Variants in ACACB observed in about 807,000 individuals in gnomAD.
ACACB encodes the protein acetyl-CoA carboxylase 2.
A neutral mutation model predicts 278.8 loss-of-function variants in ACACB; 209 were observed. The ratio of observed to expected loss-of-function variants is 0.75; its 90% CI spans 0.67 to 0.84. The LOEUF is 0.84. Among genes scored for constraint, ACACB ranks in the 40% least tolerant of loss-of-function variants. The pLI is 0.00. For missense variants in ACACB, 2,850 were observed against 3,269.0 expected, an observed-to-expected ratio of 0.87 and a Z score of 3.13; for synonymous variants, 1,174 against 1,285.6, an observed-to-expected ratio of 0.91 and a Z score of 1.86.
At chr12:109,227,181 G>T (rs964489935) in intron 27 of ACACB, among the ~76,000 whole-genome samples, 190 bp from the exon 28 acceptor site, 1 of 152,046 alleles carries the variant, frequency 6.6e-6, no homozygotes, top group African/African-American at 2.4e-5. Flanking sequence ...GAACTCCTGG[G>T]TTCGAGTGAC....
At position 109,176,052 on chromosome 12, in the gene ACACB, GC is replaced by G. The variant is rs756554810; in HGVS notation, c.1326+14del. ...ATGAGGGCTTGGAGGTAAATGCAGA[GC>G]CTGTGGGGGCCAGGGGAGCCAGAAC... On this transcript the variant is annotated intron_variant, in intron 8 of 52. Transcript: ENST00000338432. The G allele has an allele frequency of 8.1e-6, 13 of 1,613,608 alleles. No homozygotes were observed. The highest frequency in any genetic ancestry group is 1.3e-5 in the African/African-American group (1 of 74,918).
chr12:109,216,768 C>T (rs1432690702), intron 23 of ACACB, 28 bp from the exon 24 acceptor site: 1 of 1,614,090 alleles, frequency 6.2e-7, no homozygotes, highest in East Asian at 2.2e-5. Flanking sequence ...CTGAGCTTTA[C>T]CTCTGTGTGG....
At chr12:109,111,335 C>T in the ACACB span, 1 of 152,368 alleles carries the variant, frequency 6.6e-6, no homozygotes, top group African/African-American at 2.4e-5. Context: ...CTGCCAAGCC[C>T]TGTGACGTTG....
chr12:109,177,600 A>G lies in ACACB; in HGVS notation c.1437+1337A>G, dbSNP rs570650242. The stretch of plus-strand genomic sequence containing the variant: ...GGTGGGGGGAAGAATTGATATTAAA[A>G]GGGAAGTTGCAGCAGCAGTACAGAA... On this transcript the variant is annotated intron_variant, in intron 9 of 52. Transcript: ENST00000338432. 1.7e-3 allele frequency among the ~76,000 whole-genome samples: 258 copies of G among 152,338 alleles called. 2 individuals are homozygous for G. Among genetic ancestry groups the G allele is most frequent in the African/African-American group, 5.7e-3 (238 of 41,570 alleles).
intron 42 of ACACB, among the ~76,000 whole-genome samples, chr12:109,252,812 T>TA (rs1565975358): frequency 6.6e-6 from 1 of 152,150 alleles, no homozygotes; most frequent in Non-Finnish European, 1.5e-5. Flanking sequence ...ATCTAGAAAC[T>TA]AAAAAACAAA....
rs75831824 is a variant in ACACB at position 109,136,373 on chromosome 12, A to G, written c.-9-3024A>G. Among the ~76,000 whole-genome samples, 1,324 of 152,292 alleles carry G rather than the reference A, an allele frequency of 8.7e-3. 20 individuals are homozygous for G. The highest frequency in any genetic ancestry group is 0.03 in the African/African-American group (1,244 of 41,560). On this transcript the variant is annotated intron_variant, in intron 1 of 52. Transcript: ENST00000338432. ...GTATATTCCTTTGGATAATATGGAC[A>G]TCTTAACAATAAGTCTTCCAATCCA...
At chr12:109,176,382 G>A in intron 9 of ACACB, 119 bp downstream of exon 9, 1 of 870,222 alleles carries the variant, frequency 1.1e-6, no homozygotes, top group Admixed American at 2.2e-5. Context: ...GGAGCTGGAT[G>A]TATCGTTGTA....
Position 109,252,145 on chromosome 12 carries a change from G to A in ACACB, c.5890G>A (p.Ala1964Thr). Residue 1964 changes from alanine (A) to threonine (T), a missense_variant, in exon 42 of 53, where the codon GCT (alanine) becomes ACT (threonine). Physicochemically the swap from Ala to Thr is moderately conservative, Grantham distance 58 (BLOSUM62 0). Around this residue, in one of 3 missense-constraint regions of ACACB, gnomAD observed 579 missense variants for 684.6 expected, o/e 0.85. Transcript: ENST00000338432. ...NSHIILTGAS[A>T]LNKVLGREVY... Reference sequence around the variant, plus strand: ...CCACATCATCCTCACAGGAGCAAGTGCTCTCAACAAGGTGACCAAAAAGGG... The same window carrying A: ...CCACATCATCCTCACAGGAGCAAGTACTCTCAACAAGGTGACCAAAAAGGG... 6.2e-7 allele frequency: 1 copy of A among 1,610,956 alleles called. No homozygotes were observed. The highest frequency in any genetic ancestry group is 1.1e-5 in the South Asian group (1 of 90,212).
At chr12:109,137,759 A>G (rs925244355) in intron 1 of ACACB, among the ~76,000 whole-genome samples, 1 of 152,134 alleles carries the variant, frequency 6.6e-6, no homozygotes, top group Admixed American at 6.5e-5. Flanking sequence ...AAATTGGTTC[A>G]GAAATTTCAA....
chr12:109,123,053 T>A (rs555993043), intron 1 of ACACB, among the ~76,000 whole-genome samples: 1 of 151,410 alleles, frequency 6.6e-6, no homozygotes, highest in East Asian at 2.0e-4. Context: ...TGGTGGCAGG[T>A]GCCTGTAGTC....
At chr12:109,169,050 C>G (rs1330119240) in intron 4 of ACACB, among the ~76,000 whole-genome samples, 1 of 145,740 alleles carries the variant, frequency 6.9e-6, no homozygotes, top group Non-Finnish European at 1.5e-5. Flanking sequence ...GAGGCTGAGG[C>G]AGGAGAATTG....
chr12:109,199,419 G>T lies in ACACB; in HGVS notation c.2645G>T (p.Gly882Val). Residue 882 changes from glycine (G) to valine (V), a missense_variant, in exon 18 of 53, where the codon GGC becomes GTC. This residue lies in a region of ACACB where 2,265 missense variants were observed against 2,561.3 expected (regional missense o/e 0.88). Coordinates refer to ENST00000338432, the MANE Select transcript of ACACB (RefSeq NM_001093.4). ...EEVDSYRITI[G>V]NKTCVFEKEN... ...TCTCCCAGTTACCGAATTACCATCG[G>T]CAATAAGACGTGTGTGTTTGAGAAG... 2 of 1,516,964 alleles carry T rather than the reference G, an allele frequency of 1.3e-6. No individual in the cohort carries two copies. Among genetic ancestry groups the T allele is most frequent in the South Asian group, 1.3e-5 (1 of 75,264 alleles). 94.0% of individuals were successfully genotyped at this position (1,516,964 alleles called of 1,614,324 possible). A position where few individuals can be genotyped will look rare whatever the true frequency, so the allele number is the denominator to read the frequency against.
In ACACB at chr12:109,117,270, G is replaced by T. The variant is rs528854616; in HGVS notation, c.-10+566G>T. Among the ~76,000 whole-genome samples the T allele has an allele frequency of 3.4e-5, 5 of 149,246 alleles. No homozygotes were observed. In the East Asian group the frequency reaches 7.9e-4, roughly 23 times the overall value. The stretch of plus-strand genomic sequence containing the variant: ...AGCTACTTGGGAGGCTGAGGCAGGA[G>T]AATCGCTTGAACCCAGGAGGTGGGG... On this transcript the variant is annotated intron_variant, in intron 1 of 52. Transcript: ENST00000338432.
intron 13 of ACACB, among the ~76,000 whole-genome samples, chr12:109,188,860 G>A (rs929789804): frequency 6.6e-6 from 1 of 152,136 alleles, no homozygotes; most frequent in African/African-American, 2.4e-5. Context: ...CTGAAGAAAG[G>A]GGGAGGGAAA....
chr12:109,227,350 CGT>C lies in ACACB; in HGVS notation c.3883-16_3883-15del, dbSNP rs1565946689. ...CTGCAGTGGCCCCTGAGAGAATGTC[CGT>C]GTGTTTCTGCCTTGTCAGGTTTACG... is the stretch of plus-strand genomic sequence containing the variant. On this transcript the variant is annotated intron_variant, in intron 27 of 52. Transcript: ENST00000338432. The C allele has an allele frequency of 1.9e-6, 3 of 1,599,386 alleles. No individual in the cohort carries two copies. Among genetic ancestry groups the C allele is most frequent in the African/African-American group, 2.7e-5 (2 of 74,698 alleles).
At chr12:109,218,703 G>A (rs1326269390) in intron 24 of ACACB, among the ~76,000 whole-genome samples, 4 of 150,196 alleles carry the variant, frequency 2.7e-5, no homozygotes, top group African/African-American at 4.9e-5. Flanking sequence ...GCCCAGGCTG[G>A]GGTGCAATGG....
intron 24 of ACACB, among the ~76,000 whole-genome samples, chr12:109,217,717 T>C (rs1489650025): frequency 6.6e-6 from 1 of 151,468 alleles, no homozygotes; most frequent in Non-Finnish European, 1.5e-5. Context: ...GGAGGATTGC[T>C]TGAGCCTGGG....
In ACACB at chr12:109,164,959, CACAGGAGACAGGAA is replaced by C. The variant is rs146618528; in HGVS notation, c.654-1893_654-1880del. Among the ~76,000 whole-genome samples the C allele has an allele frequency of 6.8e-4, 103 of 152,178 alleles. 1 individual carries two copies. The East Asian group carries it at 0.019, about 28-fold the overall frequency. The stretch of plus-strand genomic sequence containing the variant: ...GAGGGTAAACCAAGGAAGAGCAACA[CACAGGAGACAGGAA>C]ACAGGAGATTCAACATAGACTGAAA... On this transcript the variant is annotated intron_variant, in intron 2 of 52. Coordinates refer to ENST00000338432, the MANE Select transcript of ACACB (RefSeq NM_001093.4).
In ACACB at chr12:109,216,600, GC is replaced by G. The variant is rs2046006439; in HGVS notation, c.3351-16del. 6.2e-7 allele frequency: 1 copy of G among 1,611,896 alleles called. No individual in the cohort carries two copies. Among genetic ancestry groups the G allele is most frequent in the Admixed American group, 1.7e-5 (1 of 59,984 alleles). On this transcript the variant is annotated splice_polypyrimidine_tract_variant and intron_variant, in intron 22 of 52. Transcript: ENST00000338432. Reference sequence around the variant, plus strand: ...AGGAAGGGTGTGAGCATTAAGAGCAGCCTTCCCTTCTCCCCAGATACCGCAG... The same window carrying G: ...AGGAAGGGTGTGAGCATTAAGAGCAGCTTCCCTTCTCCCCAGATACCGCAG...
Sources: allele counts gnomAD v4.1 joint callset (sites outside exome capture counted in the v4.1 genomes callset), GRCh38; gene constraint gnomAD v4.1.1; regional missense constraint gnomAD v4.1.1; transcripts MANE v1.5; gene names NCBI Gene and HGNC (gene_info 2026-07-23, HGNC 2026-07-21).